The following NAV3 variants were observed in gnomAD, a reference collection of about 807,000 sequenced individuals.
NAV3 encodes neuron navigator 3.
NAV3 carries 87 observed loss-of-function variants against 244.7 expected under a neutral mutation model. The ratio of observed to expected loss-of-function variants is 0.36; its 90% CI spans 0.30 to 0.42. The LOEUF (loss-of-function observed/expected upper bound fraction) is 0.42. NAV3 is among the 20% of genes least tolerant of loss of function. NAV3 has a pLI of 1.00. For synonymous variants in NAV3, 1,126 were observed against 1,042.2 expected (o/e 1.08, Z -1.55); for missense variants, 2,663 against 2,893.3 (o/e 0.92, Z 1.83).
At chr12:77,901,502 G>A (rs1885287657) in intron 1 of NAV3, among the ~76,000 whole-genome samples, 1 of 152,070 alleles carries the variant, frequency 6.6e-6, no homozygotes, top group African/African-American at 2.4e-5. Flanking sequence ...CTGAGGTTAC[G>A]AGTTTGAGAC....
intron 2 of NAV3, among the ~76,000 whole-genome samples, chr12:77,591,404 G>A (rs1314728492): frequency 6.6e-6 from 1 of 152,164 alleles, no homozygotes; most frequent in Admixed American, 6.5e-5. Flanking sequence ...AGAAATATTT[G>A]TGATGTTCGT....
intron 9 of NAV3, among the ~76,000 whole-genome samples, chr12:78,023,680 T>C (rs950338756): frequency 3.9e-5 from 6 of 152,212 alleles, no homozygotes; most frequent in Admixed American, 3.9e-4. Context: ...TATTTGCAGT[T>C]AGTAAGTTAT....
chr12:78,085,923 T>C (rs994651362), intron 12 of NAV3, among the ~76,000 whole-genome samples: 6 of 152,020 alleles, frequency 3.9e-5, no homozygotes, highest in Non-Finnish European at 8.8e-5. Context: ...CATTCAGCAG[T>C]GGGTTTTGAG....
At chr12:78,064,418 TCTGTCTGTCTGC>T (rs1411218939) in intron 12 of NAV3, among the ~76,000 whole-genome samples, 8 of 140,006 alleles carry the variant, frequency 5.7e-5, no homozygotes, top group African/African-American at 1.1e-4. Flanking sequence ...TGTCTGTCTG[TCTGTCTGTCTGC>T]CTGCCTGCCT....
chr12:78,078,375 CTTTTTTTTTTTTTTTTTTTT>C (rs71088356), intron 12 of NAV3, among the ~76,000 whole-genome samples: 9 of 67,844 alleles, frequency 1.3e-4, no homozygotes, highest in East Asian at 4.3e-4. Context: ...TCTTTCCACT[CTTTTTTTTTTTTTTTTTTTT>C]TTTTTTTTTT....
chr12:77,682,995 C>T (rs1326956771), intron 2 of NAV3, among the ~76,000 whole-genome samples: 2 of 152,042 alleles, frequency 1.3e-5, no homozygotes, highest in African/African-American at 4.8e-5. Flanking sequence ...GTTTCAATTG[C>T]TATACTGAGG....
At chr12:77,708,086 G>T (rs1370679449) in intron 2 of NAV3, among the ~76,000 whole-genome samples, 1 of 152,078 alleles carries the variant, frequency 6.6e-6, no homozygotes, top group African/African-American at 2.4e-5. Context: ...CTCAATTTTG[G>T]CTTTTGTTGC....
At chr12:78,048,875 C>G (rs566779467) in intron 9 of NAV3, among the ~76,000 whole-genome samples, 37 of 152,300 alleles carry the variant, frequency 2.4e-4, no homozygotes, top group African/African-American at 8.7e-4. Flanking sequence ...ATCTGTAAGC[C>G]CCTGACTGGG....
intron 1 of NAV3, among the ~76,000 whole-genome samples, chr12:77,882,093 G>A (rs1882718644): frequency 6.6e-6 from 1 of 151,896 alleles, no homozygotes; most frequent in African/African-American, 2.4e-5. Context: ...AATTCACATG[G>A]AACAAAAAAG....
chr12:78,178,511 C>A (rs563254281), intron 28 of NAV3, among the ~76,000 whole-genome samples: 1 of 152,110 alleles, frequency 6.6e-6, no homozygotes, highest in Admixed American at 6.6e-5. Context: ...TAACTTAAAC[C>A]ACAGAAACTA....
intron 1 of NAV3, among the ~76,000 whole-genome samples, chr12:77,878,523 C>A (rs1284878875): frequency 6.6e-6 from 1 of 151,958 alleles, no homozygotes; most frequent in Non-Finnish European, 1.5e-5. Context: ...ACCACCACAC[C>A]CAGCCAGTAA....
chr12:78,122,195 G>C lies in NAV3; in HGVS notation c.4005G>C (p.Ser1335=). 6.2e-7 allele frequency: 1 copy of C among 1,614,106 alleles called. No individual in the cohort carries two copies. The highest frequency in any genetic ancestry group is 8.5e-7 in the Non-Finnish European group (1 of 1,180,012). Residue 1335 remains serine, a synonymous_variant, in exon 16 of 40, where the codon TCG becomes TCC. Transcript: ENST00000397909. Reference sequence around the variant, plus strand: ...ACTCGTTGGCCTCCAGCCCAGCATCGGTTCACTCTTTCACATCAGGTGGTC... The same window carrying C: ...ACTCGTTGGCCTCCAGCCCAGCATCCGTTCACTCTTTCACATCAGGTGGTC... ...LSHSLASSPA[S]VHSFTSGGLV...
intron 25 of NAV3, 57 bp from the exon 26 acceptor site, chr12:78,176,382 C>G: frequency 6.4e-7 from 1 of 1,554,634 alleles, no homozygotes. Context: ...TTTTAAAATA[C>G]TGATCAGCCT....
chr12:77,861,865 G>A (rs1879302956), intron 1 of NAV3, among the ~76,000 whole-genome samples: 1 of 151,752 alleles, frequency 6.6e-6, no homozygotes, highest in South Asian at 2.1e-4. Flanking sequence ...GCAACTAGAA[G>A]AATAGTCCCT....
At chr12:78,002,199 C>T (rs146360576) in intron 7 of NAV3, among the ~76,000 whole-genome samples, 2 of 152,236 alleles carry the variant, frequency 1.3e-5, no homozygotes, top group East Asian at 3.9e-4. Context: ...ATTTGGAATC[C>T]AGTTTCTTTA....
chr12:77,937,475 T>C (rs1889434366), intron 1 of NAV3, among the ~76,000 whole-genome samples: 2 of 152,234 alleles, frequency 1.3e-5, no homozygotes, highest in East Asian at 3.8e-4. Flanking sequence ...TCACTTTCCA[T>C]TCATATCATT....
chr12:77,659,673 C>A (rs541259407), intron 2 of NAV3, among the ~76,000 whole-genome samples: 2 of 152,000 alleles, frequency 1.3e-5, no homozygotes, highest in African/African-American at 2.4e-5. Context: ...ATGTTTATTG[C>A]GGCACTATTC....
At chr12:78,186,074 G>A (rs982056155) in intron 31 of NAV3, among the ~76,000 whole-genome samples, 3 of 151,760 alleles carry the variant, frequency 2.0e-5, no homozygotes, top group African/African-American at 7.2e-5. Context: ...TTATACAAAG[G>A]GAAGACTCTA....
intron 2 of NAV3, among the ~76,000 whole-genome samples, chr12:77,674,989 G>A (rs1325149169): frequency 6.6e-6 from 1 of 152,178 alleles, no homozygotes; most frequent in Non-Finnish European, 1.5e-5. Context: ...GGTGGTCAAA[G>A]AAGGTATTCT....
Sources: gnomAD v4.1 joint callset for allele counts (sites outside exome capture counted in the v4.1 genomes callset) on GRCh38, gnomAD v4.1.1 for gene constraint, MANE v1.5 for transcripts, NCBI Gene and HGNC (gene_info 2026-07-23, HGNC 2026-07-21) for gene names.